Variants in WDFY3 observed in about 807,000 individuals in gnomAD.
WDFY3 encodes the protein WD repeat and FYVE domain containing 3.
A neutral mutation model predicts 409.6 loss-of-function variants in WDFY3; 66 were observed. The observed-to-expected ratio is 0.16, with a 90% CI of 0.13 to 0.20. The LOEUF (loss-of-function observed/expected upper bound fraction) is 0.20. WDFY3 is among the 10% of genes least tolerant of loss of function. The probability of loss-of-function intolerance (pLI) is 1.00; values close to 1 mark genes in which losing one functional copy is unlikely to be tolerated. For missense variants in WDFY3, 3,031 were observed against 4,298.1 expected (o/e 0.71, Z 8.24); for synonymous variants, 1,521 against 1,537.1 (o/e 0.99, Z 0.25).
At chr4:84,855,656 T>C (rs1759658017) in intron 4 of WDFY3, among the ~76,000 whole-genome samples, 1 of 152,188 alleles carries the variant, frequency 6.6e-6, no homozygotes, top group Admixed American at 6.5e-5. Context: ...ATGTGTTATA[T>C]CTAAAATTAA....
intron 44 of WDFY3, among the ~76,000 whole-genome samples, chr4:84,733,136 T>C (rs190462574): frequency 6.6e-6 from 1 of 152,276 alleles, no homozygotes; most frequent in East Asian, 1.9e-4. Flanking sequence ...AGTGGCAGAG[T>C]CAGGTCTTAA....
intron 2 of WDFY3, among the ~76,000 whole-genome samples, chr4:84,929,479 C>CCA (rs1466965675): frequency 6.0e-5 from 9 of 151,104 alleles, no homozygotes; most frequent in Admixed American, 5.3e-4. Context: ...GCCCCCCCCC[C>CCA]CAAATTCATA....
intron 2 of WDFY3, among the ~76,000 whole-genome samples, chr4:84,909,211 G>T (rs1767450607): frequency 6.6e-6 from 1 of 151,958 alleles, no homozygotes; most frequent in Admixed American, 6.6e-5. Context: ...TACAGGGAGG[G>T]CATCTATTTT....
intron 2 of WDFY3, among the ~76,000 whole-genome samples, chr4:84,906,710 G>C (rs183893866): frequency 1.3e-5 from 2 of 151,764 alleles, no homozygotes; most frequent in East Asian, 3.9e-4. Flanking sequence ...TATGGCCCAG[G>C]AAAGCTTTGA....
intron 62 of WDFY3, among the ~76,000 whole-genome samples, chr4:84,687,207 G>T (rs570793917): frequency 6.6e-6 from 1 of 151,674 alleles, no homozygotes; most frequent in African/African-American, 2.4e-5. Context: ...GCAGTGGAGC[G>T]ATCTTGGCTC....
Position 84,708,987 on chromosome 4 carries a change from G to A in WDFY3, c.8139C>T (p.Asn2713=). 1 of 1,614,038 alleles carries A rather than the reference G, an allele frequency of 6.2e-7. No individual in the cohort carries two copies. The highest frequency in any genetic ancestry group is 1.1e-5 in the South Asian group (1 of 91,072). ...CATTATATGATCTGCCAGCCAAAGTGTTCAAATGCATCAAATATTGGAAGT... is the reference window on the plus strand; with the variant it reads ...CATTATATGATCTGCCAGCCAAAGTATTCAAATGCATCAAATATTGGAAGT... ...ISNFQYLMHL[N]TLAGRSYNDL... is the part of the protein sequence containing the mutation. Residue 2713 remains asparagine, a synonymous_variant, in exon 53 of 68, where the codon AAC becomes AAT. Transcript: ENST00000295888.
chr4:84,833,783 T>C (rs1005300271), intron 7 of WDFY3, among the ~76,000 whole-genome samples: 1 of 152,170 alleles, frequency 6.6e-6, no homozygotes, highest in Non-Finnish European at 1.5e-5. Flanking sequence ...AAATATCACA[T>C]TTTATCTGAG....
chr4:84,821,857 A>C lies in WDFY3; in HGVS notation c.1124-306T>G, dbSNP rs562324603. On this transcript the variant is annotated intron_variant, in intron 10 of 67. Transcript: ENST00000295888. ...TATAAACATCCATGCTTCAGAGTTT[A>C]GAGTGGTAGTTTTATTATCTATGAG... Among the ~76,000 whole-genome samples the C allele has an allele frequency of 2.6e-5, 4 of 152,304 alleles. No individual in the cohort carries two copies. In the South Asian group the frequency reaches 8.3e-4, roughly 32 times the overall value.
chr4:84,829,619 T>G (rs1490104418), intron 8 of WDFY3, among the ~76,000 whole-genome samples: 1 of 151,838 alleles, frequency 6.6e-6, no homozygotes, highest in African/African-American at 2.4e-5. Flanking sequence ...ATAGCCTGGC[T>G]AACATGGTGA....
intron 67 of WDFY3, 55 bp downstream of exon 67, chr4:84,677,144 T>C: frequency 6.3e-7 from 1 of 1,598,726 alleles, no homozygotes; most frequent in South Asian, 1.1e-5. Context: ...AGGACATAAT[T>C]AACAACCTTA....
At chr4:84,820,014 G>T in intron 12 of WDFY3, 71 bp downstream of exon 12, 1 of 1,311,250 alleles carries the variant, frequency 7.6e-7, no homozygotes. Context: ...GATTTCAGAA[G>T]CAAGAATAAC....
chr4:84,945,463 A>G (rs1185706927), intron 1 of WDFY3, among the ~76,000 whole-genome samples: 1 of 152,232 alleles, frequency 6.6e-6, no homozygotes, highest in African/African-American at 2.4e-5. Flanking sequence ...AATCACACTC[A>G]CAGGGCCTCT....
chr4:84,951,059 T>A (rs956632521), intron 1 of WDFY3, among the ~76,000 whole-genome samples: 3 of 152,216 alleles, frequency 2.0e-5, no homozygotes, highest in Admixed American at 1.3e-4. Flanking sequence ...TGGAGATTAA[T>A]TTCATGTACT....
chr4:84,805,317 A>T (rs555538418), intron 15 of WDFY3, among the ~76,000 whole-genome samples: 7 of 152,196 alleles, frequency 4.6e-5, no homozygotes, highest in Non-Finnish European at 7.4e-5. Context: ...TAATTATTAC[A>T]GTAGTACATT....
intron 61 of WDFY3, 111 bp from the exon 62 acceptor site, chr4:84,688,376 G>T: frequency 9.2e-7 from 1 of 1,081,106 alleles, no homozygotes; most frequent in Non-Finnish European, 1.3e-6. Flanking sequence ...ATGCTAGGTA[G>T]TAGGTGACTT....
chr4:84,755,415 G>A lies in WDFY3; in HGVS notation c.5425-15C>T. 6.3e-7 allele frequency: 1 copy of A among 1,591,304 alleles called. No homozygotes were observed. Among genetic ancestry groups the A allele is most frequent in the Non-Finnish European group, 8.5e-7 (1 of 1,173,906 alleles). Reference sequence around the variant, plus strand: ...TCCAAATCAAACTGCAGAGGTGAAAGGGAGCAAATATTAGCCACCACTAAT... The same window carrying A: ...TCCAAATCAAACTGCAGAGGTGAAAAGGAGCAAATATTAGCCACCACTAAT... On this transcript the variant is annotated splice_polypyrimidine_tract_variant and intron_variant, in intron 33 of 67. Coordinates refer to ENST00000295888, the MANE Select transcript of WDFY3 (RefSeq NM_014991.6).
intron 67 of WDFY3, among the ~76,000 whole-genome samples, chr4:84,675,890 G>T (rs1401505858): frequency 6.6e-6 from 1 of 151,808 alleles, no homozygotes; most frequent in Non-Finnish European, 1.5e-5. Flanking sequence ...TTTCATATGG[G>T]GGAAAAATAG....
chr4:84,730,187 T>C (rs1464217463), intron 44 of WDFY3, among the ~76,000 whole-genome samples: 2 of 152,140 alleles, frequency 1.3e-5, no homozygotes, highest in Admixed American at 1.3e-4. Context: ...CTCTTTTTCT[T>C]AGAGAGCCCT....
At chr4:84,718,057 CAAAAAAAAAAAAA>C (rs35076143) in intron 48 of WDFY3, among the ~76,000 whole-genome samples, 2 of 61,352 alleles carry the variant, frequency 3.3e-5, no homozygotes, top group East Asian at 4.8e-4. Context: ...GACACTGTCT[CAAAAAAAAAAAAA>C]AAAAAAAAAA....
Sources: allele counts gnomAD v4.1 joint callset (sites outside exome capture counted in the v4.1 genomes callset), GRCh38; gene constraint gnomAD v4.1.1; transcripts MANE v1.5; gene names NCBI Gene and HGNC (gene_info 2026-07-23, HGNC 2026-07-21).